The following FAM169A variants were observed in gnomAD, a reference collection of about 807,000 sequenced individuals.
The protein encoded by FAM169A is soluble lamin-associated protein of 75 kDa.
FAM169A carries 24 observed loss-of-function variants against 75.7 expected under a neutral mutation model. The ratio of observed to expected loss-of-function variants is 0.32; its 90% CI spans 0.23 to 0.45. The LOEUF (loss-of-function observed/expected upper bound fraction) is 0.45, where lower values mean the gene tolerates loss of function less well. FAM169A is among the 20% of genes least tolerant of loss of function. FAM169A has a pLI of 1.00. For missense variants in FAM169A, 673 were observed against 784.0 expected, an observed-to-expected ratio of 0.86 and a Z score of 1.69; for synonymous variants, 271 against 271.0, an observed-to-expected ratio of 1.00 and a Z score of 0.00.
At chr5:74,799,824 G>T (rs1176888091) in intron 10 of FAM169A, 2 of 1,070,510 alleles carry the variant, frequency 1.9e-6, no homozygotes, top group East Asian at 2.4e-5. Context: ...CGATGACCGT[G>T]GCTGCCTGAC....
intron 11 of FAM169A, among the ~76,000 whole-genome samples, chr5:74,787,086 C>A (rs537112163): frequency 6.8e-4 from 104 of 152,218 alleles, no homozygotes; most frequent in Middle Eastern, 3.4e-3. Flanking sequence ...CAGAGTGTGA[C>A]CCACAAGGAG....
intron 1 of FAM169A, among the ~76,000 whole-genome samples, chr5:74,851,025 C>T (rs1157698877): frequency 2.0e-5 from 3 of 151,280 alleles, no homozygotes; most frequent in African/African-American, 7.3e-5. Context: ...CAACAATCCT[C>T]GTACATCAGC....
chr5:74,866,612 C>A, upstream of FAM169A: 1 of 668,614 alleles, frequency 1.5e-6, no homozygotes, highest in Non-Finnish European at 1.9e-6. Flanking sequence ...CCGCCCCGGC[C>A]GCCGTCACCC....
At chr5:74,818,270 G>C (rs184113337) in intron 5 of FAM169A, among the ~76,000 whole-genome samples, 3 of 152,178 alleles carry the variant, frequency 2.0e-5, no homozygotes, top group African/African-American at 7.2e-5. Flanking sequence ...CAAGGGTCTT[G>C]TATCTAACAC....
intron 1 of FAM169A, among the ~76,000 whole-genome samples, chr5:74,854,475 C>G (rs1202711604): frequency 6.6e-6 from 1 of 152,120 alleles, no homozygotes; most frequent in African/African-American, 2.4e-5. Flanking sequence ...CCCAATCACA[C>G]TTTGTTATTT....
In FAM169A at chr5:74,850,994, A is replaced by G. The variant is rs1326550994; in HGVS notation, c.-3-9315T>C. Among the ~76,000 whole-genome samples the G allele has an allele frequency of 2.0e-5, 3 of 152,292 alleles. No individual in the cohort carries two copies. The East Asian group carries it at 5.8e-4, about 29-fold the overall frequency. On this transcript the variant is annotated intron_variant, in intron 1 of 12. Coordinates refer to ENST00000687041, the MANE Select transcript of FAM169A (RefSeq NM_001376049.1). ...TGCAGTGGCACGAACATAGCTCACT[A>G]TAGCCTCAAACTTCTGGGCTCAACA...
At chr5:74,804,278 T>C (rs1314952672) in intron 8 of FAM169A, among the ~76,000 whole-genome samples, 1 of 152,110 alleles carries the variant, frequency 6.6e-6, no homozygotes, top group African/African-American at 2.4e-5. Context: ...ACCCTTAAAT[T>C]AGCTCATACT....
At chr5:74,825,075 T>C (rs1354492540) in intron 5 of FAM169A, among the ~76,000 whole-genome samples, 1 of 152,158 alleles carries the variant, frequency 6.6e-6, no homozygotes, top group African/African-American at 2.4e-5. Context: ...TAGTGTACCA[T>C]GAATGTTTAT....
chr5:74,826,669 T>C (rs997987935), intron 5 of FAM169A, among the ~76,000 whole-genome samples: 6 of 152,198 alleles, frequency 3.9e-5, no homozygotes, highest in Non-Finnish European at 7.4e-5. Context: ...TGTAGACTTA[T>C]AGAAAAGTCA....
intron 11 of FAM169A, among the ~76,000 whole-genome samples, chr5:74,786,022 A>G (rs990000858): frequency 6.6e-6 from 1 of 152,216 alleles, no homozygotes; most frequent in Non-Finnish European, 1.5e-5. Context: ...GGTGGGCACC[A>G]TCTAATCAGC....
At chr5:74,836,002 T>C (rs1748554900) in intron 4 of FAM169A, among the ~76,000 whole-genome samples, 1 of 152,234 alleles carries the variant, frequency 6.6e-6, no homozygotes. Context: ...AAGGCTAATC[T>C]AACACAATTT....
At chr5:74,834,918 G>C (rs887323992) in intron 4 of FAM169A, among the ~76,000 whole-genome samples, 2 of 150,266 alleles carry the variant, frequency 1.3e-5, no homozygotes, top group African/African-American at 4.9e-5. Context: ...GCTTCCAGCT[G>C]CCCAGATCCA....
intron 9 of FAM169A, 54 bp from the exon 10 acceptor site, chr5:74,801,084 AC>A: frequency 7.5e-7 from 1 of 1,329,974 alleles, no homozygotes; most frequent in South Asian, 2.0e-5. Context: ...TAAAAGGACT[AC>A]CTATTAAAAT....
In FAM169A at chr5:74,799,590, T is replaced by C. The variant is rs1243524739; in HGVS notation, c.1103+1290A>G. On this transcript the variant is annotated intron_variant, in intron 10 of 12. Coordinates refer to ENST00000687041, the MANE Select transcript of FAM169A (RefSeq NM_001376049.1). ...TTGGGCAGCTGATGTCAGAGTCTGG[T>C]GGCGGTGGCACTGGTGGCTGGGTCC... 4.1e-6 allele frequency: 6 copies of C among 1,478,288 alleles called. No homozygotes were observed. In the South Asian group the frequency reaches 4.5e-5, roughly 11 times the overall value. The allele number at this position is 1,478,288 out of a possible 1,614,324, so 91.6% of individuals were successfully genotyped here.
chr5:74,808,350 T>A (rs1746994323), intron 6 of FAM169A, among the ~76,000 whole-genome samples: 1 of 152,208 alleles, frequency 6.6e-6, no homozygotes, highest in African/African-American at 2.4e-5. Context: ...TCAAAGACAT[T>A]ATGTTTAGTG....
At chr5:74,794,862 G>T (rs896067453) in intron 11 of FAM169A, among the ~76,000 whole-genome samples, 1 of 152,118 alleles carries the variant, frequency 6.6e-6, no homozygotes, top group South Asian at 2.1e-4. Flanking sequence ...GGCAGAGGCA[G>T]GAGAATTGCT....
intron 10 of FAM169A, among the ~76,000 whole-genome samples, chr5:74,797,609 A>G (rs1198103208): frequency 6.6e-6 from 1 of 152,204 alleles, no homozygotes; most frequent in Non-Finnish European, 1.5e-5. Flanking sequence ...ACACTTGACT[A>G]TTTTACATTT....
chr5:74,813,807 C>A (rs13184097), intron 6 of FAM169A, 33 bp downstream of exon 6: 19,597 of 1,435,834 alleles, frequency 0.014, 182 homozygotes, highest in Non-Finnish European at 0.017. Flanking sequence ...GACACAAAGA[C>A]AAGTTTATTA....
At chr5:74,824,595 T>C (rs1747921618) in intron 5 of FAM169A, among the ~76,000 whole-genome samples, 1 of 151,966 alleles carries the variant, frequency 6.6e-6, no homozygotes, top group South Asian at 2.1e-4. Flanking sequence ...TTTAAATGTA[T>C]ACTTCTTGTT....
Sources: allele counts gnomAD v4.1 joint callset (sites outside exome capture counted in the v4.1 genomes callset), GRCh38; gene constraint gnomAD v4.1.1; transcripts MANE v1.5; gene names NCBI Gene and HGNC (gene_info 2026-07-23, HGNC 2026-07-21).